COL5A3: variants seen among roughly 807,000 people sequenced by gnomAD.
The protein encoded by COL5A3 is collagen alpha-3(V) chain.
In COL5A3, 172 loss-of-function variants were observed where a neutral mutation model predicts 250.0. The observed-to-expected ratio is 0.69, with a 90% confidence interval of 0.61 to 0.78. COL5A3 has a LOEUF of 0.78. COL5A3 is among the 30% of genes least tolerant of loss of function. COL5A3 has a pLI of 0.00. For synonymous variants in COL5A3, 937 were observed against 900.4 expected, an observed-to-expected ratio of 1.04 and a Z score of -0.73; for missense variants, 2,340 against 2,334.4, an observed-to-expected ratio of 1.00 and a Z score of -0.05.
rs1020453808 is a variant in COL5A3, at chr19:9,977,625, G to A, written c.3095C>T (p.Pro1032Leu). The A allele has an allele frequency of 2.5e-6, 4 of 1,605,524 alleles. No homozygotes were observed. In the South Asian group the frequency reaches 3.3e-5, roughly 13 times the overall value. ...CCCCTTCTTGCCTGCAGGGCCAACG[G>A]GGCCTTCGCTGCCACTTTGGCCAGG... ...GLPGQSGSEG[P>L]VGPAGKKGSR... The change falls in exon 42 of 67, where the codon CCC becomes CTC. Residue 1032 changes from proline to leucine, a missense_variant. By Grantham distance (98) the Pro-to-Leu change is moderately conservative. Transcript: ENST00000264828.
intron 51 of COL5A3, among the ~76,000 whole-genome samples, chr19:9,971,602 C>G (rs2086848533): frequency 6.6e-6 from 1 of 152,072 alleles, no homozygotes; most frequent in Non-Finnish European, 1.5e-5. Context: ...TTCATTCATA[C>G]ACTCAGAGAA....
chr19:9,978,864 T>C (rs1315114820), intron 40 of COL5A3, 27 bp downstream of exon 40: 1 of 1,289,214 alleles, frequency 7.8e-7, no homozygotes, highest in Non-Finnish European at 1.0e-6. Context: ...CTAAGGGACA[T>C]GCAGGAGGGT....
In COL5A3 at chr19:9,972,924, T is replaced by C. The variant is rs1373163810; in HGVS notation, c.3769A>G (p.Ser1257Gly). The C allele has an allele frequency of 3.7e-6, 6 of 1,605,976 alleles. No individual in the cohort carries two copies. Among genetic ancestry groups the C allele is most frequent in the Non-Finnish European group, 5.1e-6 (6 of 1,176,564 alleles). Reference protein sequence around the residue: ...GPPGEDGAKGSVGPTGLPGDL... With the variant: ...GPPGEDGAKGGVGPTGLPGDL... ...CACTTCCCCCCAGGACTCACCACGC[T>C]CCCTTTGGCTCCATCCTCTCCAGGG... The change falls in exon 51 of 67, where the codon AGC (serine) becomes GGC (glycine). Residue 1257 changes from serine (S) to glycine (G), a missense_variant. This residue lies in a region of COL5A3 where 1,179 missense variants were observed against 1,162.6 expected (regional missense o/e 1.01). Coordinates refer to ENST00000264828, the MANE Select transcript of COL5A3 (RefSeq NM_015719.4).
chr19:10,000,041 A>ATCTG (rs1301414551), intron 8 of COL5A3, among the ~76,000 whole-genome samples: 1 of 152,018 alleles, frequency 6.6e-6, no homozygotes, highest in Non-Finnish European at 1.5e-5. Context: ...TATAGGTGTG[A>ATCTG]GCCACCATAC....
chr19:9,989,894 A>G (rs7259523), intron 24 of COL5A3, among the ~76,000 whole-genome samples: 53,656 of 151,678 alleles, frequency 0.35, 10,740 homozygotes, highest in African/African-American at 0.55. Context: ...CTTCTCCAGT[A>G]GCTGGGACTA....
chr19:10,005,824 G>A lies in COL5A3; in HGVS notation c.409C>T (p.Pro137Ser). Residue 137 changes from proline to serine, a missense_variant, in exon 3 of 67, where the codon CCC becomes TCC. Physicochemically the swap from Pro to Ser is moderately conservative, Grantham distance 74. Around this residue, in one of 3 missense-constraint regions of COL5A3, gnomAD observed 1,152 missense variants for 1,146.3 expected, o/e 1.00. Coordinates refer to ENST00000264828, the MANE Select transcript of COL5A3 (RefSeq NM_015719.4). ...GLLGDPFRPLPQQVNLTDGRW... is the reference protein window; with the variant it reads ...GLLGDPFRPLSQQVNLTDGRW... ...CCATCTGTGAGGTTGACCTGCTGGGGGAGGGGGCGGAAGGGGTCACCTAGG... is the reference window on the plus strand; with the variant it reads ...CCATCTGTGAGGTTGACCTGCTGGGAGAGGGGGCGGAAGGGGTCACCTAGG... 1 of 1,612,688 alleles carries A rather than the reference G, an allele frequency of 6.2e-7. No individual in the cohort carries two copies. Among genetic ancestry groups the A allele is most frequent in the Non-Finnish European group, 8.5e-7 (1 of 1,179,412 alleles).
chr19:10,004,244 C>T (rs768868925), intron 4 of COL5A3, 99 bp from the exon 5 acceptor site: 1 of 812,174 alleles, frequency 1.2e-6, no homozygotes, highest in Non-Finnish European at 2.1e-6. Flanking sequence ...CTCCTGGCAC[C>T]AGGGTGCAAT....
chr19:10,007,089 T>C (rs2087454672), intron 1 of COL5A3, among the ~76,000 whole-genome samples: 1 of 146,506 alleles, frequency 6.8e-6, no homozygotes, highest in African/African-American at 2.6e-5. Flanking sequence ...GACTTTCCCC[T>C]CTAACCTCCT....
chr19:9,981,522 T>C (rs1236024833), intron 32 of COL5A3, among the ~76,000 whole-genome samples: 1 of 152,174 alleles, frequency 6.6e-6, no homozygotes, highest in Non-Finnish European at 1.5e-5. Flanking sequence ...TGTAAACACA[T>C]GAAGGCCTGG....
rs765602468 is a variant in COL5A3, at chr19:9,966,395, G to T, written c.4701C>A (p.Cys1567Ter). Residue 1567 changes from cysteine (C) to a stop codon, truncating the protein, a stop_gained, in exon 64 of 67, where the codon TGC (cysteine) becomes TGA (stop). Coordinates refer to ENST00000264828, the MANE Select transcript of COL5A3 (RefSeq NM_015719.4). LOFTEE classifies it high-confidence loss of function. ...GEYWIDPNQGCARDSFRVFCN... is the reference protein window; with the variant it reads ...GEYWIDPNQG Reference sequence around the variant, plus strand: ...AAAAAACCCTGAACGAGTCCCGCGCGCAGCCCTGGTTGGGGTCAATCCAGT... The same window carrying T: ...AAAAAACCCTGAACGAGTCCCGCGCTCAGCCCTGGTTGGGGTCAATCCAGT... The T allele has an allele frequency of 1.9e-6, 3 of 1,608,512 alleles. No individual in the cohort carries two copies. The highest frequency in any genetic ancestry group is 2.5e-6 in the Non-Finnish European group (3 of 1,176,600).
intron 45 of COL5A3, 135 bp downstream of exon 45, chr19:9,976,423 T>C: frequency 1.7e-6 from 1 of 599,340 alleles, no homozygotes; most frequent in South Asian, 2.6e-5. Context: ...GAGTTCACAT[T>C]GGGTGTCAGT....
intron 50 of COL5A3, 28 bp from the exon 51 acceptor site, chr19:9,973,054 G>C: frequency 6.4e-7 from 1 of 1,571,996 alleles, no homozygotes; most frequent in South Asian, 1.2e-5. Flanking sequence ...AGAGGTCAGA[G>C]TGGCCTGGAC....
In COL5A3 at chr19:9,973,767, C is replaced by G; in HGVS notation, c.3601G>C (p.Val1201Leu). The change falls in exon 49 of 67, where the codon GTG (valine) becomes CTG (leucine). Residue 1201 changes from valine (V) to leucine (L), a missense_variant. Val to Leu is a conservative substitution (Grantham distance 32). Around this residue, in one of 3 missense-constraint regions of COL5A3, gnomAD observed 1,179 missense variants for 1,162.6 expected, o/e 1.01. Transcript: ENST00000264828. ...CTTCCCTCACTCACCTTCTCACCCA[C>G]GGCGCCTGGCTGACCAACTCCTCCA... ...LPGGVGQPGAVGEKGERGDAG... is the reference protein window; with the variant it reads ...LPGGVGQPGALGEKGERGDAG... 6.2e-7 allele frequency: 1 copy of G among 1,614,030 alleles called. No individual in the cohort carries two copies. Among genetic ancestry groups the G allele is most frequent in the South Asian group, 1.1e-5 (1 of 91,082 alleles).
intron 44 of COL5A3, 79 bp from the exon 45 acceptor site, chr19:9,976,690 T>A: frequency 9.4e-7 from 1 of 1,059,760 alleles, no homozygotes; most frequent in Non-Finnish European, 1.4e-6. Flanking sequence ...AATCACTGCC[T>A]CCCACACCCC....
At position 9,997,429 on chromosome 19, in the gene COL5A3, AC is replaced by A. The variant is rs1221114698; in HGVS notation, c.1204del (p.Val402TrpfsTer41). 1 of 1,604,740 alleles carries A rather than the reference AC, an allele frequency of 6.2e-7. No homozygotes were observed. Among genetic ancestry groups the A allele is most frequent in the Middle Eastern group, 1.7e-4 (1 of 6,034 alleles). ...GCCGGGAGGGCCTGAGGGGCCAACC[AC>A]CCCCTGTTGGGGACAGAGAAACAGG... ...GPPGAPGPQG[V>X]VGPSGPPGPP... is the part of the protein sequence containing the mutation. On this transcript the variant is annotated frameshift_variant, in exon 11 of 67. Transcript: ENST00000264828. LOFTEE classifies it high-confidence loss of function.
chr19:9,978,825 C>A, intron 40 of COL5A3, 66 bp downstream of exon 40: 1 of 1,176,836 alleles, frequency 8.5e-7, no homozygotes, highest in Non-Finnish European at 1.1e-6. Context: ...TTCCCCATCC[C>A]TCCCCTGACC....
At chr19:9,985,571 A>AT (rs1200604667) in intron 31 of COL5A3, among the ~76,000 whole-genome samples, 1 of 151,870 alleles carries the variant, frequency 6.6e-6, no homozygotes, top group Non-Finnish European at 1.5e-5. Flanking sequence ...CATCTGGCTA[A>AT]TTTTTGTATG....
rs1354392265 is a variant in COL5A3 at position 9,967,260 on chromosome 19, G to A, written c.4458+87C>T. 9 of 1,007,432 alleles carry A rather than the reference G, an allele frequency of 8.9e-6. No homozygotes were observed. The Admixed American group carries it at 1.9e-4, about 22-fold the overall frequency. The allele number at this position is 1,007,432 out of a possible 1,614,324, so 62.4% of individuals were successfully genotyped here. A position where few individuals can be genotyped will look rare whatever the true frequency, so the allele number is the denominator to read the frequency against. ...GTGTGCCTGGCCCAGTGCTGCGCAC[G>A]GAAGGACCCTCTGGGGACACCCAGA... On this transcript the variant is annotated intron_variant, in intron 62 of 66. Coordinates refer to ENST00000264828, the MANE Select transcript of COL5A3 (RefSeq NM_015719.4).
Position 10,003,559 on chromosome 19 carries a change from C to A in COL5A3, c.849+6G>T. 6.2e-7 allele frequency: 1 copy of A among 1,614,006 alleles called. No homozygotes were observed. Among genetic ancestry groups the A allele is most frequent in the Non-Finnish European group, 8.5e-7 (1 of 1,179,920 alleles). ...AACCGGAAGTGAGAGGTCTCAGGGC[C>A]CTTACCTGGTTCTCTGCGGAGTCAG... On this transcript the variant is annotated splice_donor_region_variant and intron_variant, in intron 6 of 66. Transcript: ENST00000264828.
Sources: allele counts gnomAD v4.1 joint callset (sites outside exome capture counted in the v4.1 genomes callset), GRCh38; gene constraint gnomAD v4.1.1; regional missense constraint gnomAD v4.1.1; transcripts MANE v1.5; gene names NCBI Gene and HGNC (gene_info 2026-07-23, HGNC 2026-07-21).